CRTC1: variants seen among roughly 807,000 people sequenced by gnomAD.
The protein encoded by CRTC1 is CREB regulated transcription coactivator 1, also known as CREB-regulated transcription coactivator 1.
CRTC1 carries 18 observed loss-of-function variants against 66.1 expected under a neutral mutation model. The ratio of observed to expected loss-of-function variants is 0.27; its 90% CI spans 0.19 to 0.40. The LOEUF is 0.40. CRTC1 is among the 10% of genes least tolerant of loss of function. The pLI, the probability that CRTC1 is intolerant of heterozygous loss-of-function variation, is 1.00. For synonymous variants in CRTC1, 416 were observed against 398.8 expected, an observed-to-expected ratio of 1.04 and a Z score of -0.51; for missense variants, 669 against 887.9, an observed-to-expected ratio of 0.75 and a Z score of 3.13.
chr19:18,775,380 C>A (rs561888383), intron 12 of CRTC1, among the ~76,000 whole-genome samples: 1 of 152,302 alleles, frequency 6.6e-6, no homozygotes, highest in East Asian at 1.9e-4. Flanking sequence ...TCGGGGGCAT[C>A]CAGGGGGCTT....
At chr19:18,714,262 A>G (rs1468319663) in intron 1 of CRTC1, among the ~76,000 whole-genome samples, 1 of 152,158 alleles carries the variant, frequency 6.6e-6, no homozygotes, top group Non-Finnish European at 1.5e-5. Context: ...CAGTGGGTCC[A>G]GGCGGGCGCA....
intron 1 of CRTC1, among the ~76,000 whole-genome samples, chr19:18,738,837 G>T (rs1336209957): frequency 6.6e-6 from 1 of 152,242 alleles, no homozygotes; most frequent in Non-Finnish European, 1.5e-5. Context: ...GCCAGAGGCT[G>T]GTGCGATTGT....
chr19:18,765,271 G>A lies in CRTC1; in HGVS notation c.887-133G>A, dbSNP rs1412177358. ...CTTCGGGGGGTGCCCAGGTTTGGCA[G>A]TTGGGACATGTCCATGGGCTTCTGT... On this transcript the variant is annotated intron_variant, in intron 8 of 13. Transcript: ENST00000321949. The A allele has an allele frequency of 2.2e-6, 3 of 1,348,922 alleles. No homozygotes were observed. The East Asian group carries it at 7.7e-5, about 34-fold the overall frequency. The allele number at this position is 1,348,922 out of a possible 1,614,324, so 83.6% of individuals were successfully genotyped here. A position where few individuals can be genotyped will look rare whatever the true frequency, so the allele number is the denominator to read the frequency against.
At position 18,747,075 on chromosome 19, in the gene CRTC1, C is replaced by T; in HGVS notation, c.404C>T (p.Thr135Ile). The change falls in exon 4 of 14, where the codon ACC becomes ATC. Residue 135 changes from threonine (T) to isoleucine (I), a missense_variant. By Grantham distance (89) the Thr-to-Ile change is moderately conservative. Coordinates refer to ENST00000321949, the MANE Select transcript of CRTC1 (RefSeq NM_015321.3). ...CACGCCGACAGCTGCCCCTATGGCA[C>T]CATGTACCTCTCACCACCCGCGGAC... ...GRQADSCPYGTMYLSPPADTS... is the reference protein window; with the variant it reads ...GRQADSCPYGIMYLSPPADTS... The T allele has an allele frequency of 6.2e-7, 1 of 1,613,214 alleles. No homozygotes were observed. Among genetic ancestry groups the T allele is most frequent in the Non-Finnish European group, 8.5e-7 (1 of 1,179,798 alleles).
chr19:18,708,721 T>G (rs1294863689), intron 1 of CRTC1, among the ~76,000 whole-genome samples: 5 of 152,160 alleles, frequency 3.3e-5, no homozygotes, highest in Non-Finnish European at 5.9e-5. Flanking sequence ...AGGTCAGGGC[T>G]CCTGTGGGGC....
rs555983939 is a variant in CRTC1, at chr19:18,763,631, C to T, written c.887-1773C>T. ...AACATTGAAAAACCAGGGGAATGCC[C>T]GTAGAACACCAGATTTCTGGCTGCT... On this transcript the variant is annotated intron_variant, in intron 8 of 13. Transcript: ENST00000321949. Among the ~76,000 whole-genome samples the T allele has an allele frequency of 1.2e-4, 18 of 152,324 alleles. 1 individual carries two copies. The highest frequency in any genetic ancestry group is 7.7e-4 in the East Asian group (4 of 5,182).
chr19:18,730,232 C>T (rs1029578455), intron 1 of CRTC1, among the ~76,000 whole-genome samples: 27 of 152,154 alleles, frequency 1.8e-4, no homozygotes, highest in African/African-American at 5.8e-4. Context: ...GGCTTTTTGC[C>T]GTGTGTAGAT....
chr19:18,777,162 A>T lies in CRTC1; in HGVS notation c.1694-9A>T. Reference sequence around the variant, plus strand: ...AAGCAGTGCCTTTTGTCCCCACCCCATCCCCCAGTGACAGGAGAGTCCCCC... The same window carrying T: ...AAGCAGTGCCTTTTGTCCCCACCCCTTCCCCCAGTGACAGGAGAGTCCCCC... On this transcript the variant is annotated splice_polypyrimidine_tract_variant and intron_variant, in intron 13 of 13. Transcript: ENST00000321949. The surrounding 1 kb of genome is among the most constrained non-coding windows in gnomAD (Gnocchi z 5.5). 1.8e-6 allele frequency: 1 copy of T among 553,742 alleles called. No homozygotes were observed. 34.3% of individuals were successfully genotyped at this position (553,742 alleles called of 1,614,324 possible).
chr19:18,774,497 A>G (rs1419581137), intron 11 of CRTC1, among the ~76,000 whole-genome samples: 1 of 151,806 alleles, frequency 6.6e-6, no homozygotes, highest in African/African-American at 2.4e-5. Flanking sequence ...GGAGTCACCA[A>G]GTGCACTTTC....
At chr19:18,727,797 C>T (rs1035958414) in intron 1 of CRTC1, among the ~76,000 whole-genome samples, 1 of 151,992 alleles carries the variant, frequency 6.6e-6, no homozygotes, top group African/African-American at 2.4e-5. Flanking sequence ...TCTTGGCTCA[C>T]TGCCACCTCT....
rs868383156 is a variant in CRTC1 at position 18,779,629 on chromosome 19, C to T, written c.*2247C>T. The T allele has an allele frequency of 2.2e-5, 5 of 222,976 alleles. No individual in the cohort carries two copies. The highest frequency in any genetic ancestry group is 1.8e-4 in the South Asian group (1 of 5,444). 13.8% of individuals were successfully genotyped at this position (222,976 alleles called of 1,614,324 possible). On this transcript the variant is annotated 3_prime_UTR_variant, in exon 14 of 14. Coordinates refer to ENST00000321949, the MANE Select transcript of CRTC1 (RefSeq NM_015321.3). ...ATGCTAGGAAACCTCATACCCCATC[C>T]GTCCAACCTCCGGCGGGCGCCACTG...
At chr19:18,709,796 C>T (rs1185145539) in intron 1 of CRTC1, among the ~76,000 whole-genome samples, 46 of 152,166 alleles carry the variant, frequency 3.0e-4, no homozygotes. Context: ...GGGCTGAGGC[C>T]GGGGACAGCT....
intron 1 of CRTC1, among the ~76,000 whole-genome samples, chr19:18,688,076 C>T (rs1172817486): frequency 2.0e-5 from 3 of 152,076 alleles, no homozygotes; most frequent in Non-Finnish European, 4.4e-5. Flanking sequence ...GGTGCTGGGG[C>T]TCCTGCAGTG....
At chr19:18,747,596 G>A (rs1479213496) in intron 4 of CRTC1, among the ~76,000 whole-genome samples, 1 of 152,174 alleles carries the variant, frequency 6.6e-6, no homozygotes, top group East Asian at 1.9e-4. Context: ...TCGAGCCACT[G>A]CACTCCAGCC....
rs1601010463 is a variant in CRTC1 at position 18,771,343 on chromosome 19, A to C, written c.1321-99A>C. The C allele has an allele frequency of 1.0e-6, 1 of 976,380 alleles. No individual in the cohort carries two copies. Among genetic ancestry groups the C allele is most frequent in the Admixed American group, 2.5e-5 (1 of 39,616 alleles). 60.5% of individuals were successfully genotyped at this position (976,380 alleles called of 1,614,324 possible). ...TCACCAAGGTGTGAGGGGCGGGGGGACCTGCCTGGGGGCTGATCAGGCTGC... is the reference window on the plus strand; with the variant it reads ...TCACCAAGGTGTGAGGGGCGGGGGGCCCTGCCTGGGGGCTGATCAGGCTGC... On this transcript the variant is annotated intron_variant, in intron 10 of 13. Coordinates refer to ENST00000321949, the MANE Select transcript of CRTC1 (RefSeq NM_015321.3). The surrounding 1 kb of genome is among the most constrained non-coding windows in gnomAD (Gnocchi z 4.6).
chr19:18,688,854 G>A (rs1236318498), intron 1 of CRTC1, among the ~76,000 whole-genome samples: 2 of 151,950 alleles, frequency 1.3e-5, no homozygotes, highest in African/African-American at 4.8e-5. Context: ...AGAACATTTC[G>A]TACCCCCAGA....
chr19:18,717,121 G>T (rs1212435834), intron 1 of CRTC1, among the ~76,000 whole-genome samples: 2 of 152,232 alleles, frequency 1.3e-5, no homozygotes, highest in Non-Finnish European at 2.9e-5. Context: ...GTGAACACGT[G>T]TGATGTCTGT....
chr19:18,707,716 C>T (rs1052315256), intron 1 of CRTC1, among the ~76,000 whole-genome samples: 4 of 152,088 alleles, frequency 2.6e-5, no homozygotes, highest in Non-Finnish European at 4.4e-5. Flanking sequence ...AAGTTGTGGC[C>T]GGGCACAGTG....
At chr19:18,695,738 G>A (rs943876987) in intron 1 of CRTC1, among the ~76,000 whole-genome samples, 3 of 152,268 alleles carry the variant, frequency 2.0e-5, no homozygotes, top group East Asian at 1.9e-4. Flanking sequence ...GGTGGTGGGC[G>A]CCTGTGGTCC....
Sources: allele counts gnomAD v4.1 joint callset (sites outside exome capture counted in the v4.1 genomes callset), GRCh38; gene constraint gnomAD v4.1.1; non-coding constraint Gnocchi (gnomAD v3.1); transcripts MANE v1.5; gene names NCBI Gene and HGNC (gene_info 2026-07-23, HGNC 2026-07-21).